The following ACYP2 variants were observed in gnomAD, a reference collection of about 807,000 sequenced individuals.
The protein encoded by ACYP2 is acylphosphatase-2.
ACYP2 carries 12 observed loss-of-function variants against 11.2 expected under a neutral mutation model. The ratio of observed to expected loss-of-function variants is 1.08; its 90% CI spans 0.69 to 1.74. The LOEUF is 1.74. Among genes scored for constraint, ACYP2 ranks in the 40% most tolerant of loss-of-function variants. The probability of loss-of-function intolerance (pLI) is 0.00; values close to 1 mark genes in which losing one functional copy is unlikely to be tolerated. For missense variants in ACYP2, 134 were observed against 101.9 expected, an observed-to-expected ratio of 1.31 and a Z score of -1.35; for synonymous variants, 43 against 32.2, an observed-to-expected ratio of 1.33 and a Z score of -1.13.
intron 4 of ACYP2, among the ~76,000 whole-genome samples, chr2:54,074,121 C>T (rs1002779588): frequency 6.6e-6 from 1 of 152,162 alleles, no homozygotes; most frequent in Non-Finnish European, 1.5e-5. Context: ...GAGGAAATTG[C>T]TTAAGGCCAG....
intron 6 of ACYP2, among the ~76,000 whole-genome samples, chr2:54,201,500 C>T (rs1684762158): frequency 6.6e-6 from 1 of 151,996 alleles, no homozygotes; most frequent in Non-Finnish European, 1.5e-5. Flanking sequence ...TATTTTCTCC[C>T]ATTCTGTAGG....
intron 2 of ACYP2, among the ~76,000 whole-genome samples, chr2:53,985,170 C>T (rs529889146): frequency 2.0e-5 from 3 of 151,902 alleles, no homozygotes; most frequent in Non-Finnish European, 4.4e-5. Context: ...CCCTGGTTCC[C>T]ACCATTCTCC....
chr2:54,033,196 CA>C (rs1446440528), intron 2 of ACYP2, among the ~76,000 whole-genome samples: 2 of 120,116 alleles, frequency 1.7e-5, no homozygotes, highest in Non-Finnish European at 3.4e-5. Flanking sequence ...TGCCTGTGGG[CA>C]ATTTTTTTTT....
intron 6 of ACYP2, among the ~76,000 whole-genome samples, chr2:54,282,408 C>G (rs1688889077): frequency 6.6e-6 from 1 of 152,194 alleles, no homozygotes; most frequent in African/African-American, 2.4e-5. Flanking sequence ...CCACATTTTG[C>G]TTTACTCTGC....
At chr2:54,257,440 T>C (rs1442983063) in intron 6 of ACYP2, among the ~76,000 whole-genome samples, 1 of 152,260 alleles carries the variant, frequency 6.6e-6, no homozygotes. Flanking sequence ...AGCTAGTCAG[T>C]TGGCCTTGTC....
chr2:54,136,281 T>C (rs1681226056), intron 5 of ACYP2, among the ~76,000 whole-genome samples: 1 of 152,170 alleles, frequency 6.6e-6, no homozygotes, highest in Admixed American at 6.5e-5. Context: ...CCTCAAGTTA[T>C]CCACCTGCCT....
At position 54,293,776 on chromosome 2, in the gene ACYP2, G is replaced by A. The variant is rs576220102; in HGVS notation, c.405-10912G>A. Among the ~76,000 whole-genome samples, 2 of 152,268 alleles carry A rather than the reference G, an allele frequency of 1.3e-5. 1 individual carries two copies. Among genetic ancestry groups the A allele is most frequent in the South Asian group, 4.1e-4 (2 of 4,824 alleles). On this transcript the variant is annotated intron_variant, in intron 6 of 6. Transcript: ENST00000607452. The stretch of plus-strand genomic sequence containing the variant: ...CTTAGGTCTTAGGTTAATTATGGAT[G>A]CTCTAGGATTTCCTGGATAATCACT...
At chr2:54,129,956 AG>A (rs1342701029) in intron 4 of ACYP2, among the ~76,000 whole-genome samples, 4 of 150,212 alleles carry the variant, frequency 2.7e-5, no homozygotes, top group Admixed American at 6.6e-5. Flanking sequence ...AAATTATTAT[AG>A]GATAGTTAAA....
At chr2:54,123,662 G>T (rs1461463963) in intron 4 of ACYP2, among the ~76,000 whole-genome samples, 1 of 151,786 alleles carries the variant, frequency 6.6e-6, no homozygotes, top group Non-Finnish European at 1.5e-5. Context: ...ATGTTAAAGT[G>T]CCTCAGGGAA....
At chr2:54,123,635 T>C (rs1271321534) in intron 4 of ACYP2, among the ~76,000 whole-genome samples, 1 of 152,068 alleles carries the variant, frequency 6.6e-6, no homozygotes, top group Non-Finnish European at 1.5e-5. Flanking sequence ...TCCCCACTTC[T>C]TCCTCCATCC....
At chr2:54,255,105 G>T in intron 6 of ACYP2, 6 of 1,614,188 alleles carry the variant, frequency 3.7e-6, no homozygotes, top group Non-Finnish European at 5.1e-6. Flanking sequence ...AGGTGAAGAA[G>T]CTGCAGATGA....
chr2:54,202,177 G>A (rs1474553626), intron 6 of ACYP2, among the ~76,000 whole-genome samples: 1 of 152,022 alleles, frequency 6.6e-6, no homozygotes, highest in African/African-American at 2.4e-5. Flanking sequence ...GCAGTGGCAC[G>A]ATCTCAGCTC....
chr2:54,179,129 CT>C (rs566773630), intron 6 of ACYP2, among the ~76,000 whole-genome samples: 114 of 151,842 alleles, frequency 7.5e-4, no homozygotes, highest in African/African-American at 2.7e-3. Context: ...AAGGGAATGC[CT>C]TAATGCGCTT....
At chr2:54,229,058 T>A (rs962520865) in intron 6 of ACYP2, among the ~76,000 whole-genome samples, 6 of 152,108 alleles carry the variant, frequency 3.9e-5, no homozygotes, top group African/African-American at 7.2e-5. Context: ...TGTAATAGAT[T>A]CAGCTCAGAG....
intron 6 of ACYP2, among the ~76,000 whole-genome samples, chr2:54,157,916 A>C (rs957449677): frequency 3.7e-4 from 56 of 152,250 alleles, no homozygotes; most frequent in African/African-American, 1.2e-3. Flanking sequence ...CAGTGCAGGT[A>C]GTGGGATCAT....
chr2:54,124,196 C>CT (rs796548629), intron 4 of ACYP2, among the ~76,000 whole-genome samples: 2,253 of 143,090 alleles, frequency 0.016, 20 homozygotes, highest in Non-Finnish European at 0.022. Context: ...CATATTGAAT[C>CT]TTTTTTTTTT....
chr2:54,172,978 G>C (rs1489263583), intron 6 of ACYP2, among the ~76,000 whole-genome samples: 2 of 152,168 alleles, frequency 1.3e-5, no homozygotes, highest in Middle Eastern at 3.2e-3. Context: ...CTAAGTCTTT[G>C]CTATTGTGAA....
At chr2:54,256,280 C>T (rs370438016) in intron 6 of ACYP2, 7 of 1,012,414 alleles carry the variant, frequency 6.9e-6, no homozygotes, top group East Asian at 2.5e-5. Flanking sequence ...CTCGCGACAC[C>T]CACCCCTCAG....
intron 4 of ACYP2, among the ~76,000 whole-genome samples, chr2:54,070,887 C>T (rs910814221): frequency 1.3e-5 from 2 of 150,478 alleles, no homozygotes; most frequent in Non-Finnish European, 3.0e-5. Context: ...TATGTGCCAC[C>T]ACACCCAGCT....
Sources: allele counts gnomAD v4.1 joint callset (sites outside exome capture counted in the v4.1 genomes callset), GRCh38; gene constraint gnomAD v4.1.1; transcripts MANE v1.5; gene names NCBI Gene and HGNC (gene_info 2026-07-23, HGNC 2026-07-21).